The following PDXDC1 variants were observed in gnomAD, a reference collection of about 807,000 sequenced individuals.
PDXDC1 encodes pyridoxal dependent decarboxylase domain containing 1, also known as pyridoxal-dependent decarboxylase domain-containing protein 1.
Under a neutral mutation model 100.1 loss-of-function variants are expected in PDXDC1, and 42 were observed. That is an observed-to-expected ratio of 0.42 (90% CI 0.33 to 0.54). The LOEUF (loss-of-function observed/expected upper bound fraction) is 0.54, where lower values mean the gene tolerates loss of function less well. PDXDC1 is among the 20% of genes least tolerant of loss of function. The pLI, the probability that PDXDC1 is intolerant of heterozygous loss-of-function variation, is 0.10. For synonymous variants in PDXDC1, 260 were observed against 371.7 expected, an observed-to-expected ratio of 0.70 and a Z score of 3.46; for missense variants, 636 against 979.2, an observed-to-expected ratio of 0.65 and a Z score of 4.68.
At chr16:15,114,582 A>C in intron 16 of PDXDC1, 1 of 1,327,450 alleles carries the variant, frequency 7.5e-7, no homozygotes. Flanking sequence ...CTGGAATAAT[A>C]ATAGTTGAAA....
intron 16 of PDXDC1, among the ~76,000 whole-genome samples, chr16:15,110,115 A>T (rs1344913117): frequency 6.7e-6 from 1 of 149,424 alleles, no homozygotes; most frequent in Admixed American, 6.7e-5. Flanking sequence ...ATTGCACTAC[A>T]GCCTGGGCAA....
intron 3 of PDXDC1, among the ~76,000 whole-genome samples, chr16:15,001,242 A>G (rs1367014501): frequency 2.0e-5 from 3 of 152,276 alleles, no homozygotes; most frequent in African/African-American, 4.8e-5. Flanking sequence ...TAATCCCAGC[A>G]CTTTGGGAGG....
chr16:14,992,010 AG>A (rs1970960330), intron 1 of PDXDC1, among the ~76,000 whole-genome samples: 1 of 152,296 alleles, frequency 6.6e-6, no homozygotes, highest in African/African-American at 2.4e-5. Flanking sequence ...CAAAATTAGT[AG>A]GAGTCTGAAT....
chr16:15,130,069 T>A (rs1401883451), intron 16 of PDXDC1: 1 of 1,455,400 alleles, frequency 6.9e-7, no homozygotes, highest in East Asian at 2.3e-5. Context: ...TTACATCCGC[T>A]GTCGGCTCCT....
chr16:15,143,757 G>A (rs997496000), downstream of PDXDC1, among the ~76,000 whole-genome samples: 1 of 152,238 alleles, frequency 6.6e-6, no homozygotes, highest in Non-Finnish European at 1.5e-5. Flanking sequence ...CACAACAGAG[G>A]GAATGGCCCC....
intron 16 of PDXDC1, chr16:15,128,038 C>T (rs1287928853): frequency 6.2e-7 from 1 of 1,601,782 alleles, no homozygotes; most frequent in East Asian, 2.2e-5. Flanking sequence ...TGGCCTCCGT[C>T]TCCACCGAAA....
chr16:14,981,804 G>C (rs1312267341), intron 1 of PDXDC1, among the ~76,000 whole-genome samples: 2 of 151,970 alleles, frequency 1.3e-5, no homozygotes, highest in Admixed American at 6.6e-5. Context: ...CCTTTCCACT[G>C]TTGGGTATTT....
chr16:15,045,702 G>GA (rs2044030882), intron 16 of PDXDC1: 1 of 152,264 alleles, frequency 6.6e-6, no homozygotes, highest in Admixed American at 6.5e-5. Context: ...AAGCTCTTGA[G>GA]AAGTCCTGCG....
chr16:14,979,859 A>C, intron 1 of PDXDC1, among the ~76,000 whole-genome samples: 1 of 152,292 alleles, frequency 6.6e-6, no homozygotes, highest in Non-Finnish European at 1.5e-5. Context: ...CTTAAAAAGC[A>C]TGAGAAAAGA....
intron 16 of PDXDC1, among the ~76,000 whole-genome samples, chr16:15,071,847 A>C (rs911681035): frequency 6.6e-6 from 1 of 152,184 alleles, no homozygotes; most frequent in African/African-American, 2.4e-5. Context: ...GGGCTTTGGA[A>C]TCCACATATT....
At chr16:15,088,820 G>A (rs1382952405) in intron 16 of PDXDC1, among the ~76,000 whole-genome samples, 3 of 152,094 alleles carry the variant, frequency 2.0e-5, no homozygotes, top group East Asian at 3.9e-4. Context: ...GACCATGGGG[G>A]GCCTTGTAAA....
downstream of PDXDC1, among the ~76,000 whole-genome samples, chr16:15,143,378 G>A (rs1472315311): frequency 2.0e-5 from 3 of 152,236 alleles, no homozygotes; most frequent in African/African-American, 7.2e-5. Context: ...CACAGGTGGG[G>A]CCACGTCCCA....
chr16:15,125,575 T>G, intron 16 of PDXDC1: 1 of 1,521,506 alleles, frequency 6.6e-7, no homozygotes, highest in Non-Finnish European at 9.1e-7. Flanking sequence ...CAGAAACAAG[T>G]CACTCTTCAC....
chr16:15,032,861 G>GTAT lies in PDXDC1; in HGVS notation c.1573_1575dup (p.Tyr525dup). On this transcript the variant is annotated inframe_insertion and splice_region_variant, in exon 18 of 23. Coordinates refer to ENST00000396410, the MANE Select transcript of PDXDC1 (RefSeq NM_015027.4). Reference sequence around the variant, plus strand: ...ATGCTGTGGTTTGATGTTGTTTTAGGTATGAACATGCTAATGATGATAAGA... The same window carrying GTAT: ...ATGCTGTGGTTTGATGTTGTTTTAGGTATTATGAACATGCTAATGATGATAAGA... 6.6e-7 allele frequency: 1 copy of GTAT among 1,519,948 alleles called. No individual in the cohort carries two copies. Among genetic ancestry groups the GTAT allele is most frequent in the Non-Finnish European group, 9.1e-7 (1 of 1,094,020 alleles). 94.2% of individuals were successfully genotyped at this position (1,519,948 alleles called of 1,614,324 possible). A position where few individuals can be genotyped will look rare whatever the true frequency, so the allele number is the denominator to read the frequency against.
the PDXDC1 span, among the ~76,000 whole-genome samples, chr16:15,145,768 C>T: frequency 2.0e-5 from 3 of 152,382 alleles, no homozygotes; most frequent in East Asian, 5.8e-4. Context: ...GAGACTGTGA[C>T]GCCCCCGCCG....
chr16:15,077,335 G>T (rs182678399), intron 16 of PDXDC1, among the ~76,000 whole-genome samples: 43 of 152,194 alleles, frequency 2.8e-4, no homozygotes, highest in South Asian at 1.2e-3. Context: ...GCTGGGGGGG[G>T]ACTGGTGGGA....
At chr16:15,068,599 G>C (rs2045082101) in intron 16 of PDXDC1, among the ~76,000 whole-genome samples, 1 of 152,184 alleles carries the variant, frequency 6.6e-6, no homozygotes, top group African/African-American at 2.4e-5. Flanking sequence ...AGGGAGAAAA[G>C]ACCTTGTGAT....
At chr16:15,039,740 A>T (rs1371103410), downstream of PDXDC1, among the ~76,000 whole-genome samples, 1 of 152,028 alleles carries the variant, frequency 6.6e-6, no homozygotes, top group African/African-American at 2.4e-5. Context: ...GTTCACACTT[A>T]CCTCCCACAC....
the PDXDC1 span, among the ~76,000 whole-genome samples, chr16:15,147,342 T>C: frequency 6.6e-6 from 1 of 152,216 alleles, no homozygotes; most frequent in Non-Finnish European, 1.5e-5. Context: ...TGCAGGGGTC[T>C]GCCCCAGAGC....
Sources: allele counts gnomAD v4.1 joint callset (sites outside exome capture counted in the v4.1 genomes callset), GRCh38; gene constraint gnomAD v4.1.1; transcripts MANE v1.5; gene names NCBI Gene and HGNC (gene_info 2026-07-23, HGNC 2026-07-21).